CLIC1: variants seen among roughly 807,000 people sequenced by gnomAD.
CLIC1 encodes the protein CLIC family member 1.
CLIC1 carries 16 observed loss-of-function variants against 26.4 expected under a neutral mutation model. The observed-to-expected ratio is 0.61, with a 90% CI of 0.41 to 0.92. The LOEUF (loss-of-function observed/expected upper bound fraction) is 0.92. Among genes scored for constraint, CLIC1 ranks in the 40% least tolerant of loss-of-function variants. CLIC1 has a pLI of 0.00. For missense variants in CLIC1, 225 were observed against 289.7 expected (o/e 0.78, Z 1.62); for synonymous variants, 98 against 120.8 (o/e 0.81, Z 1.24).
Position 31,736,550 on chromosome 6 carries a change from G to C in CLIC1, c.-250C>G. ...TCAGAGAGCCGCTGACTCACCGACC[G>C]GCCCCGCCCTGAACCTGGGGAGGGG... is the stretch of plus-strand genomic sequence containing the variant. On this transcript the variant is annotated 5_prime_UTR_variant, in exon 1 of 6. Coordinates refer to ENST00000375784, the Ensembl canonical transcript of CLIC1. This position sits in a 1 kb window ranked among gnomAD's most constrained non-coding sequence, Gnocchi z 5.0. The C allele has an allele frequency of 9.6e-6, 13 of 1,355,744 alleles. No individual in the cohort carries two copies. The highest frequency in any genetic ancestry group is 1.2e-5 in the Non-Finnish European group (13 of 1,052,714). 84.0% of individuals were successfully genotyped at this position (1,355,744 alleles called of 1,614,324 possible).
Position 31,732,169 on chromosome 6 carries a change from A to G in CLIC1, c.564+48T>C, listed in dbSNP as rs370807982. 3 of 1,357,662 alleles carry G rather than the reference A, an allele frequency of 2.2e-6. No homozygotes were observed. The highest frequency in any genetic ancestry group is 3.0e-5 in the African/African-American group (2 of 66,760). The allele number at this position is 1,357,662 out of a possible 1,614,324, so 84.1% of individuals were successfully genotyped here. On this transcript the variant is annotated intron_variant, in intron 5 of 5. Transcript: ENST00000375784. The surrounding 1 kb of genome is among the most constrained non-coding windows in gnomAD (Gnocchi z 5.0). ...GGGGAAGCCCATGTGGGAGCTCCTT[A>G]AAGGGCCACTCCAGTGGTCATCCTC...
chr6:31,736,924 A>C (rs1808367365), upstream of CLIC1: 2 of 985,578 alleles, frequency 2.0e-6, no homozygotes, highest in Non-Finnish European at 2.4e-6. This position sits in a 1 kb window ranked among gnomAD's most constrained non-coding sequence, Gnocchi z 5.0. Flanking sequence ...CTGAGAGAAG[A>C]ACTCGGAAGT....
In CLIC1 at chr6:31,732,233, T is replaced by G; in HGVS notation, c.548A>C (p.Lys183Thr). ...ACCACACACCTGTACTATGTGTAAC[T>G]TTGGCAACAGGTTGCAGTCAGCCAG... Residue 183 changes from lysine to threonine, a missense_variant, in exon 5 of 6, where the codon AAG becomes ACG. Coordinates refer to ENST00000375784, the Ensembl canonical transcript of CLIC1. This position sits in a 1 kb window ranked among gnomAD's most constrained non-coding sequence, Gnocchi z 5.0. 6.4e-7 allele frequency: 1 copy of G among 1,561,558 alleles called. No individual in the cohort carries two copies. The highest frequency in any genetic ancestry group is 8.7e-7 in the Non-Finnish European group (1 of 1,153,940).
Position 31,734,714 on chromosome 6 carries a change from T to C in CLIC1, c.40-451A>G, listed in dbSNP as rs1215314165. ...ATCCAAGGTGTCTTTGGGTGGGGAG[T>C]CTAGTCAAGGGGCCCTGGGCCTCGC... On this transcript the variant is annotated intron_variant, in intron 1 of 5. Coordinates refer to ENST00000375784, the Ensembl canonical transcript of CLIC1. The surrounding 1 kb of genome is among the most constrained non-coding windows in gnomAD (Gnocchi z 5.3). 6.6e-6 allele frequency among the ~76,000 whole-genome samples: 1 copy of C among 151,394 alleles called. No homozygotes were observed. The highest frequency in any genetic ancestry group is 1.5e-5 in the Non-Finnish European group (1 of 67,884).
At position 31,733,546 on chromosome 6, in the gene CLIC1, C is replaced by T. The variant is rs529136240; in HGVS notation, c.382+20G>A. 2 of 1,597,810 alleles carry T rather than the reference C, an allele frequency of 1.3e-6. No individual in the cohort carries two copies. The highest frequency in any genetic ancestry group is 1.7e-6 in the Non-Finnish European group (2 of 1,167,188). ...TCTCTATTCCTCCCAGGACCCAGGC[C>T]TCTGACCCACAAGACTCACTGTCAT... On this transcript the variant is annotated intron_variant, in intron 4 of 5. Coordinates refer to ENST00000375784, the Ensembl canonical transcript of CLIC1. This position sits in a 1 kb window ranked among gnomAD's most constrained non-coding sequence, Gnocchi z 5.4.
At chr6:31,736,879 C>T (rs923291926), upstream of CLIC1, 2 of 985,782 alleles carry the variant, frequency 2.0e-6, no homozygotes, top group African/African-American at 3.5e-5. This position sits in a 1 kb window ranked among gnomAD's most constrained non-coding sequence, Gnocchi z 5.0. Context: ...TTCTTCCAGA[C>T]TCCAATCCAA....
In CLIC1 at chr6:31,733,847, C is replaced by T; in HGVS notation, c.264G>A (p.Leu88=). Reference sequence around the variant, plus strand: ...GAGTGCCCCTATACCTGGGAGGGCACAGCACTGCCTCCAGAAATTCCTCAA... The same window carrying T: ...GAGTGCCCCTATACCTGGGAGGGCATAGCACTGCCTCCAGAAATTCCTCAA... Residue 88 remains leucine, a synonymous_variant, in exon 3 of 6, where the codon CTG becomes CTA. Transcript: ENST00000375784. The surrounding 1 kb of genome is among the most constrained non-coding windows in gnomAD (Gnocchi z 5.4). The T allele has an allele frequency of 2.5e-6, 4 of 1,614,170 alleles. No homozygotes were observed. The highest frequency in any genetic ancestry group is 2.2e-5 in the East Asian group (1 of 44,886).
At position 31,734,314 on chromosome 6, in the gene CLIC1, CT is replaced by C. The variant is rs762685409; in HGVS notation, c.40-52del. On this transcript the variant is annotated intron_variant, in intron 1 of 5. Transcript: ENST00000375784. This position sits in a 1 kb window ranked among gnomAD's most constrained non-coding sequence, Gnocchi z 5.3. ...TATGCCTGATGCACCCCACCCATCC[CT>C]AGGCCAGTCCCTGCATTCCCACTCC... 1 of 1,387,672 alleles carries C rather than the reference CT, an allele frequency of 7.2e-7. No homozygotes were observed. Among genetic ancestry groups the C allele is most frequent in the Admixed American group, 1.8e-5 (1 of 56,488 alleles). The allele number at this position is 1,387,672 out of a possible 1,614,324, so 86.0% of individuals were successfully genotyped here.
chr6:31,737,004 A>C (rs1808372148), upstream of CLIC1: 1 of 956,420 alleles, frequency 1.0e-6, no homozygotes, highest in Non-Finnish European at 1.2e-6. Context: ...TGACGCCAGC[A>C]CTCCCTGAGC....
chr6:31,731,455 CCAT>C (rs1807939245), intron 5 of CLIC1, among the ~76,000 whole-genome samples: 2 of 152,176 alleles, frequency 1.3e-5, no homozygotes, highest in Non-Finnish European at 2.9e-5. Context: ...GTGCCCACCA[CCAT>C]GTGCGGCTAA....
Position 31,735,807 on chromosome 6 carries a change from C to CCACACACACACACA in CLIC1, c.39+441_39+454dup, listed in dbSNP as rs9281564. 1.5e-3 allele frequency among the ~76,000 whole-genome samples: 187 copies of CCACACACACACACA among 124,974 alleles called. 2 individuals are homozygous for CCACACACACACACA. The highest frequency in any genetic ancestry group is 7.9e-3 in the East Asian group (32 of 4,056). 82.0% of individuals were successfully genotyped at this position (124,974 alleles called of 152,430 possible). A position where few individuals can be genotyped will look rare whatever the true frequency, so the allele number is the denominator to read the frequency against. ...ACCGTCTTCCCTGAAGCGTCTCCATCCACACACACACACACACACACACAC... is the reference window on the plus strand; with the variant it reads ...ACCGTCTTCCCTGAAGCGTCTCCATCCACACACACACACACACACACACACACACACACACACAC... On this transcript the variant is annotated intron_variant, in intron 1 of 5. Coordinates refer to ENST00000375784, the Ensembl canonical transcript of CLIC1.
intron 5 of CLIC1, among the ~76,000 whole-genome samples, chr6:31,731,813 G>T (rs960436180): frequency 6.6e-6 from 1 of 152,168 alleles, no homozygotes; most frequent in East Asian, 1.9e-4. Flanking sequence ...ACAAAAACAT[G>T]GGAACCAGCA....
At position 31,733,883 on chromosome 6, in the gene CLIC1, G is replaced by A; in HGVS notation, c.228C>T (p.Asp76=). ...CCAGAAATTCCTCAATCTTGTTGGT[G>A]TCTGTGTGCACTTCAGTGCCATACA... is the stretch of plus-strand genomic sequence containing the variant. The change falls in exon 3 of 6, where the codon GAC becomes GAT. Residue 76 remains aspartate, a synonymous_variant. Coordinates refer to ENST00000375784, the Ensembl canonical transcript of CLIC1. This position sits in a 1 kb window ranked among gnomAD's most constrained non-coding sequence, Gnocchi z 5.4. 1 of 1,614,074 alleles carries A rather than the reference G, an allele frequency of 6.2e-7. No homozygotes were observed. The highest frequency in any genetic ancestry group is 8.5e-7 in the Non-Finnish European group (1 of 1,180,032).
intron 5 of CLIC1, among the ~76,000 whole-genome samples, chr6:31,731,522 G>A (rs748405583): frequency 5.3e-5 from 8 of 152,128 alleles, no homozygotes; most frequent in Non-Finnish European, 8.8e-5. Context: ...GGCTGGTCTC[G>A]AACTCCTAAC....
rs895669772 is a variant in CLIC1 at position 31,730,910 on chromosome 6, C to T, written c.658G>A (p.Ala220Thr). The change falls in exon 6 of 6, where the codon GCT (alanine) becomes ACT (threonine). Residue 220 changes from alanine to threonine, a missense_variant. Coordinates refer to ENST00000375784, the Ensembl canonical transcript of CLIC1. This position sits in a 1 kb window ranked among gnomAD's most constrained non-coding sequence, Gnocchi z 5.1. ...TCCTCATCATCTGGACAGGTGGAAG[C>T]GAATTCTTCCCGGGCGTAGGCATTG... 2.1e-5 allele frequency: 34 copies of T among 1,612,976 alleles called. No homozygotes were observed. The highest frequency in any genetic ancestry group is 5.0e-5 in the Admixed American group (3 of 60,006).
Position 31,736,374 on chromosome 6 carries a change from C to A in CLIC1, c.-74G>T. On this transcript the variant is annotated 5_prime_UTR_variant, in exon 1 of 6. Transcript: ENST00000375784. This position sits in a 1 kb window ranked among gnomAD's most constrained non-coding sequence, Gnocchi z 5.0. ...GGCTGGGACCGGGGAAGGCGGGTCT[C>A]ACACTCAGGGACTCTCTCCCCTAGA... The A allele has an allele frequency of 6.2e-7, 1 of 1,610,442 alleles. No individual in the cohort carries two copies. The highest frequency in any genetic ancestry group is 2.2e-5 in the East Asian group (1 of 44,872).
Position 31,734,368 on chromosome 6 carries a change from G to A in CLIC1, c.40-105C>T. On this transcript the variant is annotated intron_variant, in intron 1 of 5. Transcript: ENST00000375784. The surrounding 1 kb of genome is among the most constrained non-coding windows in gnomAD (Gnocchi z 5.3). ...GACCAGCTGTTTTCTGCCTAGTCAT[G>A]ACACATACACTGTCCCCTCACTATG... 7 of 822,964 alleles carry A rather than the reference G, an allele frequency of 8.5e-6. No homozygotes were observed. The highest frequency in any genetic ancestry group is 4.4e-4 in the Middle Eastern group (2 of 4,506). 51.0% of individuals were successfully genotyped at this position (822,964 alleles called of 1,614,324 possible).
At chr6:31,731,092 C>T in intron 5 of CLIC1, 89 bp from the exon 6 acceptor site, 1 of 1,129,480 alleles carries the variant, frequency 8.9e-7, no homozygotes, top group South Asian at 1.4e-5. Flanking sequence ...CATGATAAAA[C>T]CAGCTCAACT....
Position 31,736,139 on chromosome 6 carries a change from G to T in CLIC1, c.39+123C>A. The T allele has an allele frequency of 1.0e-6, 1 of 977,566 alleles. No homozygotes were observed. Among genetic ancestry groups the T allele is most frequent in the Non-Finnish European group, 1.6e-6 (1 of 612,098 alleles). 60.6% of individuals were successfully genotyped at this position (977,566 alleles called of 1,614,324 possible). ...CTCAAAACCACCCCTCAACCAAAGA[G>T]TGCACGTGGGATTGGGGGTGGGAGT... On this transcript the variant is annotated intron_variant, in intron 1 of 5. Coordinates refer to ENST00000375784, the Ensembl canonical transcript of CLIC1. This position sits in a 1 kb window ranked among gnomAD's most constrained non-coding sequence, Gnocchi z 5.0.
Sources: allele counts gnomAD v4.1 joint callset (sites outside exome capture counted in the v4.1 genomes callset), GRCh38; gene constraint gnomAD v4.1.1; non-coding constraint Gnocchi (gnomAD v3.1); transcripts MANE v1.5; gene names NCBI Gene and HGNC (gene_info 2026-07-23, HGNC 2026-07-21).